The following SYT7 variants were observed in gnomAD, a reference collection of about 807,000 sequenced individuals.
The protein encoded by SYT7 is synaptotagmin 7.
In SYT7, 29 loss-of-function variants were observed where a neutral mutation model predicts 75.1. The observed-to-expected ratio is 0.39, with a 90% confidence interval of 0.29 to 0.53. SYT7 has a LOEUF of 0.53. SYT7 is among the 20% of genes least tolerant of loss of function. The pLI is 0.77. For missense variants in SYT7, 693 were observed against 953.2 expected (o/e 0.73, Z 3.59); for synonymous variants, 376 against 401.7 (o/e 0.94, Z 0.76).
chr11:61,585,029 C>T (rs573922438), upstream of SYT7, among the ~76,000 whole-genome samples: 15 of 152,366 alleles, frequency 9.8e-5, no homozygotes, highest in South Asian at 4.1e-4. Flanking sequence ...GGCCTGTTTC[C>T]GATCTGGCAC....
chr11:61,555,772 C>CAT (rs2063484714), intron 2 of SYT7, among the ~76,000 whole-genome samples: 1 of 151,006 alleles, frequency 6.6e-6, no homozygotes, highest in Non-Finnish European at 1.5e-5. Context: ...GGAGGCAGGG[C>CAT]GTGTGTGTGT....
Position 61,546,793 on chromosome 11 carries a change from C to A in SYT7, c.347+384G>T. The A allele has an allele frequency of 2.6e-6, 1 of 381,884 alleles. No homozygotes were observed. 23.7% of individuals were successfully genotyped at this position (381,884 alleles called of 1,614,324 possible). The stretch of plus-strand genomic sequence containing the variant: ...CCACCGACCACCGACCACCGAGCAG[C>A]CACGGCAGCACACAGCGGGGAGGAA... On this transcript the variant is annotated intron_variant, in intron 4 of 12. Transcript: ENST00000539008. This position sits in a 1 kb window ranked among gnomAD's most constrained non-coding sequence, Gnocchi z 7.6.
In SYT7 at chr11:61,534,927, A is replaced by G. The variant is rs567636362; in HGVS notation, c.1065-1803T>C. On this transcript the variant is annotated intron_variant, in intron 7 of 12. Coordinates refer to ENST00000539008, the MANE Select transcript of SYT7 (RefSeq NM_001365809.2). ...AGGAGCCCGAAACAGCTGGAGAGGT[A>G]AAGTCAGGTTAGAAACAGAGTGGAA... 6.6e-5 allele frequency among the ~76,000 whole-genome samples: 10 copies of G among 152,352 alleles called. No individual in the cohort carries two copies. In the East Asian group the frequency reaches 1.7e-3, roughly 26 times the overall value.
chr11:61,520,698 C>T (rs897768117), intron 12 of SYT7, among the ~76,000 whole-genome samples: 5 of 152,142 alleles, frequency 3.3e-5, no homozygotes, highest in Admixed American at 3.3e-4. Flanking sequence ...TGGCAGATGC[C>T]TGTAATCCCA....
chr11:61,526,650 G>A (rs569454389), intron 9 of SYT7: 1 of 152,330 alleles, frequency 6.6e-6, no homozygotes, highest in Non-Finnish European at 1.5e-5. Context: ...GTACATGCTC[G>A]TGGAAGAGAC....
chr11:61,578,534 G>A (rs933654947), intron 1 of SYT7, among the ~76,000 whole-genome samples: 1 of 152,126 alleles, frequency 6.6e-6, no homozygotes, highest in Admixed American at 6.5e-5. Context: ...CAGCCAAGGG[G>A]AGATGGGGAG....
Position 61,547,208 on chromosome 11 carries a change from C to T in SYT7, c.316G>A (p.Ala106Thr), listed in dbSNP as rs1034389252. The T allele has an allele frequency of 5.9e-6, 9 of 1,535,494 alleles. No individual in the cohort carries two copies. The highest frequency in any genetic ancestry group is 1.4e-5 in the African/African-American group (1 of 72,950). Residue 106 changes from alanine to threonine, a missense_variant, in exon 4 of 13, where the codon GCC becomes ACC. By Grantham distance (58) the Ala-to-Thr change is moderately conservative. This residue lies in a region of SYT7 where 487 missense variants were observed against 593.2 expected (regional missense o/e 0.82). Transcript: ENST00000539008. ...KEFILNISPY[A>T]PYGDPRLSLN... ...GACAGTCGTGGGTCGCCATAAGGGGCGTAGGGTGAAATGTTTAGAATAAAC... is the reference window on the plus strand; with the variant it reads ...GACAGTCGTGGGTCGCCATAAGGGGTGTAGGGTGAAATGTTTAGAATAAAC...
At chr11:61,544,518 C>T (rs900535918) in intron 5 of SYT7, among the ~76,000 whole-genome samples, 11 of 152,190 alleles carry the variant, frequency 7.2e-5, no homozygotes, top group African/African-American at 2.7e-4. Context: ...CCGGCCCAGG[C>T]CTGGCCGGCC....
At chr11:61,571,452 G>C (rs2063918220) in intron 1 of SYT7, among the ~76,000 whole-genome samples, 1 of 152,256 alleles carries the variant, frequency 6.6e-6, no homozygotes, top group Non-Finnish European at 1.5e-5. Context: ...TCTCTGAGCA[G>C]TGGTTGACTT....
intron 2 of SYT7, among the ~76,000 whole-genome samples, chr11:61,552,940 C>T (rs2063394724): frequency 6.6e-6 from 1 of 152,212 alleles, no homozygotes; most frequent in Non-Finnish European, 1.5e-5. Flanking sequence ...TATCTCCCGG[C>T]ACGTGCTCCC....
intron 1 of SYT7, among the ~76,000 whole-genome samples, chr11:61,577,049 T>A (rs1213536639): frequency 1.3e-5 from 2 of 152,056 alleles, no homozygotes; most frequent in Non-Finnish European, 2.9e-5. Flanking sequence ...AGGAGGGGCT[T>A]TGGGGCTATC....
chr11:61,542,834 G>A lies in SYT7; in HGVS notation c.573-255C>T, dbSNP rs2063086469. Reference sequence around the variant, plus strand: ...CCACCTTCTGGCCCTGGCTCAGCTAGTGCCAGAATACCTCCTGGCTAGGCC... The same window carrying A: ...CCACCTTCTGGCCCTGGCTCAGCTAATGCCAGAATACCTCCTGGCTAGGCC... On this transcript the variant is annotated intron_variant, in intron 5 of 12. Coordinates refer to ENST00000539008, the MANE Select transcript of SYT7 (RefSeq NM_001365809.2). This position sits in a 1 kb window ranked among gnomAD's most constrained non-coding sequence, Gnocchi z 7.8. Among the ~76,000 whole-genome samples the A allele has an allele frequency of 6.6e-6, 1 of 152,222 alleles. No homozygotes were observed. The highest frequency in any genetic ancestry group is 1.5e-5 in the Non-Finnish European group (1 of 68,038).
intron 12 of SYT7, among the ~76,000 whole-genome samples, chr11:61,519,589 G>A (rs2062247180): frequency 6.6e-6 from 1 of 152,180 alleles, no homozygotes; most frequent in African/African-American, 2.4e-5. Context: ...ATTGGATGCT[G>A]GGACAGAAGG....
Position 61,518,449 on chromosome 11 carries a change from A to AT in SYT7, c.*177dup. 1 of 461,290 alleles carries AT rather than the reference A, an allele frequency of 2.2e-6. No homozygotes were observed. The highest frequency in any genetic ancestry group is 3.9e-6 in the Non-Finnish European group (1 of 259,472). The allele number at this position is 461,290 out of a possible 1,614,324, so 28.6% of individuals were successfully genotyped here. ...CTTCCCCGGAGCTGGACTGTGGGGG[A>AT]TGGGGCTGGTACTTCCTAGAAACGG... On this transcript the variant is annotated 3_prime_UTR_variant, in exon 13 of 13. Coordinates refer to ENST00000539008, the MANE Select transcript of SYT7 (RefSeq NM_001365809.2).
chr11:61,587,137 G>C, the SYT7 span, among the ~76,000 whole-genome samples: 10 of 152,122 alleles, frequency 6.6e-5, no homozygotes, highest in Non-Finnish European at 1.5e-4. Context: ...CACCTCCCCC[G>C]GGGACTCAGG....
Position 61,518,672 on chromosome 11 carries a change from G to C in SYT7, c.2016C>G (p.Ala672=). The part of the protein sequence containing the change: ...GEVKHWKDMI[A]RPRQPVAQWH... ...ACTGGGCCACGGGCTGCCGGGGACG[G>C]GCAATCATGTCCTTCCAGTGCTTCA... is the stretch of plus-strand genomic sequence containing the variant. The change falls in exon 13 of 13, where the codon GCC becomes GCG. Residue 672 remains alanine, a synonymous_variant. Transcript: ENST00000539008. 6.5e-7 allele frequency: 1 copy of C among 1,549,940 alleles called. No homozygotes were observed. Among genetic ancestry groups the C allele is most frequent in the South Asian group, 1.2e-5 (1 of 83,842 alleles).
At chr11:61,529,089 C>T (rs2062623226) in intron 8 of SYT7, among the ~76,000 whole-genome samples, 1 of 152,082 alleles carries the variant, frequency 6.6e-6, no homozygotes, top group South Asian at 2.1e-4. Context: ...ACCCCCCAGC[C>T]GCCTGAGCCC....
intron 1 of SYT7, among the ~76,000 whole-genome samples, chr11:61,562,911 C>G (rs1199080840): frequency 6.6e-6 from 1 of 152,164 alleles, no homozygotes; most frequent in African/African-American, 2.4e-5. Context: ...CTGCTGGCTG[C>G]TGGGATGCCC....
At chr11:61,568,571 A>T (rs2063836911) in intron 1 of SYT7, among the ~76,000 whole-genome samples, 1 of 152,212 alleles carries the variant, frequency 6.6e-6, no homozygotes, top group East Asian at 1.9e-4. Context: ...GTGACCGCTC[A>T]GGCTGGTGCA....
Sources: allele counts gnomAD v4.1 joint callset (sites outside exome capture counted in the v4.1 genomes callset), GRCh38; gene constraint gnomAD v4.1.1; regional missense constraint gnomAD v4.1.1; non-coding constraint Gnocchi (gnomAD v3.1); transcripts MANE v1.5; gene names NCBI Gene and HGNC (gene_info 2026-07-23, HGNC 2026-07-21).